RNF150: variants seen among roughly 807,000 people sequenced by gnomAD.
RNF150 encodes the protein ring finger protein 150.
RNF150 carries 24 observed loss-of-function variants against 39.3 expected under a neutral mutation model. The ratio of observed to expected loss-of-function variants is 0.61; its 90% CI spans 0.44 to 0.86. The LOEUF is 0.86. Ranked by LOEUF, RNF150 falls within the 40% of genes least tolerant of loss-of-function variation. The pLI, the probability that RNF150 is intolerant of heterozygous loss-of-function variation, is 0.00. For missense variants in RNF150, 502 were observed against 587.8 expected, an observed-to-expected ratio of 0.85 and a Z score of 1.51; for synonymous variants, 255 against 227.3, an observed-to-expected ratio of 1.12 and a Z score of -1.10.
intron 1 of RNF150, among the ~76,000 whole-genome samples, chr4:141,117,843 T>C (rs1317571051): frequency 2.6e-5 from 4 of 152,152 alleles, no homozygotes; most frequent in Admixed American, 1.3e-4. Context: ...CCAACAAAGA[T>C]TTGCTGAGTT....
At chr4:140,894,204 G>A (rs903779699) in intron 6 of RNF150, among the ~76,000 whole-genome samples, 1 of 151,266 alleles carries the variant, frequency 6.6e-6, no homozygotes, top group Non-Finnish European at 1.5e-5. Context: ...TCCTTCAGAG[G>A]AGGGGCAATG....
At chr4:140,964,646 T>A (rs904735961) in intron 2 of RNF150, among the ~76,000 whole-genome samples, 1 of 152,090 alleles carries the variant, frequency 6.6e-6, no homozygotes. Flanking sequence ...CGAAAACTTA[T>A]TACATTTGAA....
chr4:140,946,301 T>C (rs1732308872), intron 4 of RNF150, among the ~76,000 whole-genome samples: 1 of 152,218 alleles, frequency 6.6e-6, no homozygotes, highest in Non-Finnish European at 1.5e-5. Flanking sequence ...CTGTCACTTC[T>C]TTTTTGGTCA....
chr4:141,047,616 G>A (rs942461137), intron 1 of RNF150, among the ~76,000 whole-genome samples: 1 of 152,096 alleles, frequency 6.6e-6, no homozygotes, highest in African/African-American at 2.4e-5. Flanking sequence ...ATCCTATTAA[G>A]TGTGGTTAAA....
chr4:141,068,573 T>C (rs1225264163), intron 1 of RNF150, among the ~76,000 whole-genome samples: 4 of 151,838 alleles, frequency 2.6e-5, no homozygotes, highest in Non-Finnish European at 5.9e-5. Context: ...AACTTTAAAG[T>C]AGTTTTTTCC....
At chr4:141,045,902 G>A (rs1025185619) in intron 1 of RNF150, among the ~76,000 whole-genome samples, 1 of 151,934 alleles carries the variant, frequency 6.6e-6, no homozygotes, top group Non-Finnish European at 1.5e-5. Flanking sequence ...CCCAATAAAC[G>A]GATCTTCTTA....
At chr4:141,007,090 T>C (rs1734896590) in intron 1 of RNF150, among the ~76,000 whole-genome samples, 1 of 152,196 alleles carries the variant, frequency 6.6e-6, no homozygotes, top group African/African-American at 2.4e-5. Context: ...AAAATATTGA[T>C]TTCCAAAGGT....
At position 140,867,224 on chromosome 4, in the gene RNF150, C is replaced by T. The variant is rs573025163; in HGVS notation, c.*1037G>A. The stretch of plus-strand genomic sequence containing the variant: ...AAGCTAGGTGCTACTGCAGCCCCCA[C>T]TATGTTTGCCATTGGACTTAAAAAT... On this transcript the variant is annotated 3_prime_UTR_variant, in exon 7 of 7. Coordinates refer to ENST00000515673, the MANE Select transcript of RNF150 (RefSeq NM_020724.2). The T allele has an allele frequency of 2.6e-5, 4 of 152,322 alleles. No individual in the cohort carries two copies. The highest frequency in any genetic ancestry group is 4.1e-4 in the South Asian group (2 of 4,822). The allele number at this position is 152,322 out of a possible 1,614,324, so 9.4% of individuals were successfully genotyped here.
chr4:141,146,513 A>T lies in RNF150; in HGVS notation c.-6+66281T>A, dbSNP rs182067904. On this transcript the variant is annotated intron_variant, in intron 1 of 7. Coordinates refer to the RNF150 transcript ENST00000420921. ...CATAGGTTGGGCCATCTTCTTATTT[A>T]TGAAAATGGACTGCCTCCTGGGAAT... 1.3e-4 allele frequency among the ~76,000 whole-genome samples: 20 copies of T among 152,348 alleles called. No individual in the cohort carries two copies. In the East Asian group the frequency reaches 3.5e-3, roughly 26 times the overall value.
intron 1 of RNF150, among the ~76,000 whole-genome samples, chr4:141,174,652 G>A (rs1019410838): frequency 2.6e-5 from 4 of 152,070 alleles, no homozygotes; most frequent in Non-Finnish European, 5.9e-5. Context: ...GCCTTGAAAG[G>A]CAGACCACAA....
intron 1 of RNF150, among the ~76,000 whole-genome samples, chr4:141,051,847 T>C (rs771350665): frequency 6.6e-6 from 1 of 152,208 alleles, no homozygotes; most frequent in African/African-American, 2.4e-5. Flanking sequence ...GGGTATCTTT[T>C]CAGTAATGCC....
chr4:141,027,926 G>GTTTTTTTT (rs61543533), intron 1 of RNF150, among the ~76,000 whole-genome samples: 12 of 69,122 alleles, frequency 1.7e-4, no homozygotes, highest in Non-Finnish European at 2.1e-4. Flanking sequence ...TTTTTTTTTT[G>GTTTTTTTT]TTTTTTTTTT....
rs569860189 is a variant in RNF150 at position 141,140,080 on chromosome 4, G to A, written c.-6+72714C>T. Among the ~76,000 whole-genome samples, 408 of 152,278 alleles carry A rather than the reference G, an allele frequency of 2.7e-3. 1 individual carries two copies. The highest frequency in any genetic ancestry group is 2.0e-3 in the Non-Finnish European group (137 of 68,026). ...GCCAGGTACTTGCTGTACGGGCAAGGTATATGAACTTTAAGAGCCCAGCAA... is the reference window on the plus strand; with the variant it reads ...GCCAGGTACTTGCTGTACGGGCAAGATATATGAACTTTAAGAGCCCAGCAA... On this transcript the variant is annotated intron_variant, in intron 1 of 7. Transcript: ENST00000420921.
At chr4:141,205,768 C>G (rs1364266047) in intron 1 of RNF150, among the ~76,000 whole-genome samples, 2 of 152,194 alleles carry the variant, frequency 1.3e-5, no homozygotes, top group Admixed American at 1.3e-4. Context: ...AATTTTCTCT[C>G]TATCTCAGAG....
intron 2 of RNF150, among the ~76,000 whole-genome samples, chr4:140,951,459 A>G (rs1732536084): frequency 2.0e-5 from 3 of 152,098 alleles, no homozygotes; most frequent in South Asian, 4.1e-4. Flanking sequence ...ACACACTCCT[A>G]TCAACTGTAG....
At chr4:140,980,596 T>A (rs1218048818) in intron 1 of RNF150, among the ~76,000 whole-genome samples, 2 of 152,132 alleles carry the variant, frequency 1.3e-5, no homozygotes, top group Non-Finnish European at 2.9e-5. Context: ...AGTTGAATCA[T>A]GTGGGCAGTT....
chr4:140,875,328 C>G (rs1729113839), intron 6 of RNF150, among the ~76,000 whole-genome samples: 1 of 152,048 alleles, frequency 6.6e-6, no homozygotes, highest in Non-Finnish European at 1.5e-5. Flanking sequence ...ATGCACCACC[C>G]ATATCTGGCT....
At chr4:141,121,991 G>A (rs1726618662) in intron 1 of RNF150, among the ~76,000 whole-genome samples, 3 of 152,104 alleles carry the variant, frequency 2.0e-5, no homozygotes, top group African/African-American at 4.8e-5. Flanking sequence ...GATCTGGGCA[G>A]CCCTAACTTT....
intron 1 of RNF150, among the ~76,000 whole-genome samples, chr4:141,156,454 G>A (rs1436420878): frequency 2.0e-5 from 3 of 151,832 alleles, no homozygotes; most frequent in Non-Finnish European, 2.9e-5. Context: ...CTGATTTTTT[G>A]ACATTATTTT....
Sources: gnomAD v4.1 joint callset for allele counts (sites outside exome capture counted in the v4.1 genomes callset) on GRCh38, gnomAD v4.1.1 for gene constraint, MANE v1.5 for transcripts, NCBI Gene and HGNC (gene_info 2026-07-23, HGNC 2026-07-21) for gene names.